The following PARD6G variants were observed in gnomAD, a reference collection of about 807,000 sequenced individuals.
PARD6G encodes the protein par-6 family cell polarity regulator gamma, also known as partitioning defective 6 homolog gamma.
In PARD6G, 7 loss-of-function variants were observed where a neutral mutation model predicts 10.7. The observed-to-expected ratio is 0.66, with a 90% CI of 0.37 to 1.23. The LOEUF is 1.23. Among genes scored for constraint, PARD6G ranks in the 50% most tolerant of loss-of-function variants. The pLI, the probability that PARD6G is intolerant of heterozygous loss-of-function variation, is 0.02. For missense variants in PARD6G, 548 were observed against 571.8 expected, an observed-to-expected ratio of 0.96 and a Z score of 0.42; for synonymous variants, 287 against 269.4, an observed-to-expected ratio of 1.07 and a Z score of -0.64.
chr18:80,175,419 C>A lies in PARD6G; in HGVS notation c.296-14813G>T, dbSNP rs1310469439. Among the ~76,000 whole-genome samples the A allele has an allele frequency of 6.6e-6, 1 of 152,196 alleles. No homozygotes were observed. The highest frequency in any genetic ancestry group is 1.5e-5 in the Non-Finnish European group (1 of 68,040). Reference sequence around the variant, plus strand: ...GACAGCTGCCTTCTTCCTGTATCCCCACGTGGCAGGGAGACCGAGATCTCT... The same window carrying A: ...GACAGCTGCCTTCTTCCTGTATCCCAACGTGGCAGGGAGACCGAGATCTCT... On this transcript the variant is annotated intron_variant, in intron 2 of 2. Transcript: ENST00000353265. This position sits in a 1 kb window ranked among gnomAD's most constrained non-coding sequence, Gnocchi z 6.7.
intron 1 of PARD6G, among the ~76,000 whole-genome samples, chr18:80,229,473 AG>A: frequency 6.6e-6 from 1 of 152,214 alleles, no homozygotes; most frequent in Non-Finnish European, 1.5e-5. Context: ...GGCCCAGGCA[AG>A]GTCATTTCAG....
intron 2 of PARD6G, among the ~76,000 whole-genome samples, chr18:80,194,784 A>T (rs1966935385): frequency 6.6e-6 from 1 of 152,114 alleles, no homozygotes; most frequent in Admixed American, 6.5e-5. Context: ...AGAGATGGAC[A>T]TAACTGAGGG....
intron 1 of PARD6G, among the ~76,000 whole-genome samples, chr18:80,223,179 GAATTA>G (rs1393632557): frequency 6.6e-6 from 1 of 151,910 alleles, no homozygotes; most frequent in African/African-American, 2.4e-5. Context: ...CAAATACATA[GAATTA>G]AATTATCATT....
chr18:80,172,705 G>GT (rs1330030585), intron 2 of PARD6G, among the ~76,000 whole-genome samples: 56 of 152,214 alleles, frequency 3.7e-4, no homozygotes, highest in Admixed American at 3.6e-3. Context: ...TTCTATTGAC[G>GT]TGAGTATTCT....
chr18:80,170,194 C>G (rs2052766362), intron 2 of PARD6G: 1 of 152,242 alleles, frequency 6.6e-6, no homozygotes, highest in African/African-American at 2.4e-5. Flanking sequence ...TAAATGTCAA[C>G]ATTTAAAAAG....
At chr18:80,198,691 A>AT (rs905174062) in intron 2 of PARD6G, among the ~76,000 whole-genome samples, 10 of 151,692 alleles carry the variant, frequency 6.6e-5, no homozygotes, top group East Asian at 3.9e-4. Context: ...GGAAGAGAGG[A>AT]TTTTTTTTTA....
intron 2 of PARD6G, among the ~76,000 whole-genome samples, chr18:80,174,724 G>A (rs1171889135): frequency 6.6e-6 from 1 of 152,048 alleles, no homozygotes; most frequent in East Asian, 1.9e-4. Flanking sequence ...GGAGGCCGAG[G>A]CGGGCGGATC....
At chr18:80,229,987 C>T (rs969666089) in intron 1 of PARD6G, among the ~76,000 whole-genome samples, 3 of 152,188 alleles carry the variant, frequency 2.0e-5, no homozygotes, top group Non-Finnish European at 4.4e-5. Flanking sequence ...CATTCCCCCA[C>T]GCATCCAGGT....
At chr18:80,190,116 G>T (rs959976473) in intron 2 of PARD6G, among the ~76,000 whole-genome samples, 4 of 151,872 alleles carry the variant, frequency 2.6e-5, no homozygotes, top group Non-Finnish European at 5.9e-5. Flanking sequence ...AGTGAGCACA[G>T]ATTCTTAATC....
chr18:80,164,817 G>A (rs2052724424), intron 2 of PARD6G, among the ~76,000 whole-genome samples: 1 of 152,074 alleles, frequency 6.6e-6, no homozygotes, highest in Non-Finnish European at 1.5e-5. Flanking sequence ...TTTTATTAAG[G>A]GTGTCAAAAC....
chr18:80,238,668 C>T (rs1050916322), intron 1 of PARD6G, among the ~76,000 whole-genome samples: 8 of 151,894 alleles, frequency 5.3e-5, no homozygotes, highest in African/African-American at 9.7e-5. Context: ...ACCACCAAGC[C>T]GTACACTTAA....
At chr18:80,212,957 T>C (rs918068260) in intron 1 of PARD6G, among the ~76,000 whole-genome samples, 1 of 152,212 alleles carries the variant, frequency 6.6e-6, no homozygotes, top group Non-Finnish European at 1.5e-5. Context: ...AAATGTTTAA[T>C]ATAATAAATA....
At chr18:80,162,722 T>C (rs1429057028) in intron 2 of PARD6G, 1 of 164,726 alleles carries the variant, frequency 6.1e-6, no homozygotes, top group Non-Finnish European at 1.5e-5. Flanking sequence ...CAGGATATGA[T>C]AGGAACAGTG....
At chr18:80,245,533 C>G (rs556442122) in intron 1 of PARD6G, among the ~76,000 whole-genome samples, 3 of 152,212 alleles carry the variant, frequency 2.0e-5, no homozygotes, top group African/African-American at 7.2e-5. Flanking sequence ...CAGGATACGA[C>G]AGTGTGCTAG....
intron 2 of PARD6G, among the ~76,000 whole-genome samples, chr18:80,176,968 T>G (rs2052811851): frequency 7.4e-6 from 1 of 135,838 alleles, no homozygotes. Context: ...CACAGGCATG[T>G]GCACACACAC....
chr18:80,203,882 A>T (rs187996079), intron 1 of PARD6G, among the ~76,000 whole-genome samples: 4 of 152,382 alleles, frequency 2.6e-5, no homozygotes, highest in Admixed American at 2.6e-4. Flanking sequence ...TTAAAATCAT[A>T]CAAGTCCAAG....
At chr18:80,222,987 T>G (rs145294344) in intron 1 of PARD6G, among the ~76,000 whole-genome samples, 1 of 152,212 alleles carries the variant, frequency 6.6e-6, no homozygotes, top group Admixed American at 6.5e-5. Context: ...TCAATTTATT[T>G]TTGACAAGAA....
intron 2 of PARD6G, among the ~76,000 whole-genome samples, chr18:80,166,836 C>A (rs1210366578): frequency 6.6e-6 from 1 of 151,886 alleles, no homozygotes; most frequent in East Asian, 1.9e-4. Context: ...CCCTTCAGGG[C>A]CCCTTCTCCA....
intron 2 of PARD6G, chr18:80,170,788 A>G (rs1223810443): frequency 6.6e-6 from 1 of 152,250 alleles, no homozygotes; most frequent in Non-Finnish European, 1.5e-5. Context: ...TATGGTGCAT[A>G]ATTATTAACT....
Sources: allele counts gnomAD v4.1 joint callset (sites outside exome capture counted in the v4.1 genomes callset), GRCh38; gene constraint gnomAD v4.1.1; non-coding constraint Gnocchi (gnomAD v3.1); transcripts MANE v1.5; gene names NCBI Gene and HGNC (gene_info 2026-07-23, HGNC 2026-07-21).